PCDHGA5: variants seen among roughly 807,000 people sequenced by gnomAD.
The protein encoded by PCDHGA5 is protocadherin gamma subfamily A, 5, also known as protocadherin gamma-A5.
Under a neutral mutation model 56.7 loss-of-function variants are expected in PCDHGA5, and 36 were observed. The ratio of observed to expected loss-of-function variants is 0.64; its 90% CI spans 0.49 to 0.84. The LOEUF (loss-of-function observed/expected upper bound fraction) is 0.84, where lower values mean the gene tolerates loss of function less well. PCDHGA5 is among the 40% of genes least tolerant of loss of function. The pLI is 0.00. For missense variants in PCDHGA5, 1,305 were observed against 1,201.5 expected (o/e 1.09, Z -1.27); for synonymous variants, 563 against 520.2 (o/e 1.08, Z -1.12).
chr5:141,376,072 C>G (rs755171325), intron 1 of PCDHGA5: 9 of 1,613,498 alleles, frequency 5.6e-6, no homozygotes, highest in Middle Eastern at 1.7e-4. Flanking sequence ...TCACCGTGGC[C>G]GTGGCCGACA....
At chr5:141,439,727 C>G (rs940325016) in intron 1 of PCDHGA5, 2 of 152,406 alleles carry the variant, frequency 1.3e-5, no homozygotes, top group Non-Finnish European at 2.9e-5. Context: ...AAATTATAAG[C>G]AGGAACGGAA....
At chr5:141,383,630 T>A in intron 1 of PCDHGA5, 3 of 1,613,986 alleles carry the variant, frequency 1.9e-6, no homozygotes, top group Non-Finnish European at 1.7e-6. Context: ...GTCTTCTCTC[T>A]GCCTCAGTAC....
intron 1 of PCDHGA5, chr5:141,395,876 T>C (rs1175297322): frequency 6.6e-6 from 1 of 152,090 alleles, no homozygotes; most frequent in Non-Finnish European, 1.5e-5. Context: ...AGTATGTGAG[T>C]CAGTGGTCAC....
At chr5:141,408,953 CTT>C in intron 1 of PCDHGA5, 1 of 1,613,552 alleles carries the variant, frequency 6.2e-7, no homozygotes, top group Non-Finnish European at 8.5e-7. Context: ...TAGAATTAGT[CTT>C]AGTGAAAATC....
Position 141,485,486 on chromosome 5 carries a change from C to A in PCDHGA5, c.2422-9321C>A. On this transcript the variant is annotated intron_variant, in intron 1 of 3. Transcript: ENST00000518069. This position sits in a 1 kb window ranked among gnomAD's most constrained non-coding sequence, Gnocchi z 5.7. Reference sequence around the variant, plus strand: ...TGGGCTCAGTGCCAGCTGCATCGTGCCCCTGGAGTTTGTCACCGAAGGTCC... The same window carrying A: ...TGGGCTCAGTGCCAGCTGCATCGTGACCCTGGAGTTTGTCACCGAAGGTCC... 6.2e-7 allele frequency: 1 copy of A among 1,614,104 alleles called. No individual in the cohort carries two copies.
In PCDHGA5 at chr5:141,493,079, G is replaced by A. The variant is rs1299289839; in HGVS notation, c.2422-1728G>A. 6.6e-6 allele frequency among the ~76,000 whole-genome samples: 1 copy of A among 152,204 alleles called. No homozygotes were observed. Among genetic ancestry groups the A allele is most frequent in the East Asian group, 1.9e-4 (1 of 5,196 alleles). Reference sequence around the variant, plus strand: ...AAAAACACAAGTTTCTCCAACTCCAGGAGCTTTTATTCAAAATATATCAAT... The same window carrying A: ...AAAAACACAAGTTTCTCCAACTCCAAGAGCTTTTATTCAAAATATATCAAT... On this transcript the variant is annotated intron_variant, in intron 1 of 3. Transcript: ENST00000518069. The surrounding 1 kb of genome is among the most constrained non-coding windows in gnomAD (Gnocchi z 4.3).
chr5:141,466,612 C>T (rs141916895), intron 1 of PCDHGA5, among the ~76,000 whole-genome samples: 1 of 152,262 alleles, frequency 6.6e-6, no homozygotes, highest in East Asian at 1.9e-4. Flanking sequence ...TTGTAAACTG[C>T]CGTTTTCTTT....
intron 1 of PCDHGA5, chr5:141,403,432 G>A: frequency 1.2e-6 from 2 of 1,614,018 alleles, no homozygotes; most frequent in Non-Finnish European, 1.7e-6. Flanking sequence ...CTATTGATCC[G>A]GATGTTGGCG....
intron 1 of PCDHGA5, chr5:141,410,442 C>G (rs1444532577): frequency 6.2e-7 from 1 of 1,613,942 alleles, no homozygotes; most frequent in Admixed American, 1.7e-5. Context: ...AGTGAGGGGA[C>G]TTTGCCTTAT....
chr5:141,454,932 C>G (rs945154196), intron 1 of PCDHGA5, among the ~76,000 whole-genome samples: 7 of 150,770 alleles, frequency 4.6e-5, no homozygotes, highest in Non-Finnish European at 1.0e-4. Context: ...CTCAGCCTCC[C>G]GAGTAGCTGG....
At chr5:141,446,508 G>A (rs932199756) in intron 1 of PCDHGA5, among the ~76,000 whole-genome samples, 4 of 151,356 alleles carry the variant, frequency 2.6e-5, no homozygotes, top group Non-Finnish European at 5.9e-5. Flanking sequence ...ATGGAGTCTC[G>A]CTCTGTCACC....
At chr5:141,455,686 G>A (rs1282071031) in intron 1 of PCDHGA5, among the ~76,000 whole-genome samples, 1 of 152,094 alleles carries the variant, frequency 6.6e-6, no homozygotes. Context: ...AAGGCTGTGG[G>A]AATCGCCAAG....
intron 1 of PCDHGA5, among the ~76,000 whole-genome samples, chr5:141,474,096 CAACAAA>C (rs1262341033): frequency 1.3e-5 from 2 of 152,078 alleles, no homozygotes; most frequent in African/African-American, 4.8e-5. Context: ...AAACAAACAA[CAACAAA>C]AACAACAACA....
intron 1 of PCDHGA5, chr5:141,403,479 A>G: frequency 1.2e-6 from 2 of 1,613,848 alleles, no homozygotes; most frequent in Non-Finnish European, 1.7e-6. Flanking sequence ...AGCCCCAATC[A>G]CCACTTCTCC....
At chr5:141,419,210 GTTT>G in intron 1 of PCDHGA5, 1 of 1,613,926 alleles carries the variant, frequency 6.2e-7, no homozygotes, top group East Asian at 2.2e-5. Flanking sequence ...CAACGCGCCG[GTTT>G]TCGGACAGTC....
rs774780380 is a variant in PCDHGA5 at position 141,432,864 on chromosome 5, G to C, written c.2422-61943G>C. Reference sequence around the variant, plus strand: ...GTGGTAGCGGTGGCCGCGGTCTCCTGCGTCTTCCTGGCCTTCGTCATCTTG... The same window carrying C: ...GTGGTAGCGGTGGCCGCGGTCTCCTCCGTCTTCCTGGCCTTCGTCATCTTG... On this transcript the variant is annotated intron_variant, in intron 1 of 3. Coordinates refer to ENST00000518069, the MANE Select transcript of PCDHGA5 (RefSeq NM_018918.3). The surrounding 1 kb of genome is among the most constrained non-coding windows in gnomAD (Gnocchi z 6.0). 6.2e-7 allele frequency: 1 copy of C among 1,614,168 alleles called. No homozygotes were observed.
chr5:141,478,956 T>C (rs2099484450), intron 1 of PCDHGA5, among the ~76,000 whole-genome samples: 1 of 152,200 alleles, frequency 6.6e-6, no homozygotes. Context: ...AACTACCTCA[T>C]TCCTCCACCT....
At chr5:141,402,433 A>C (rs1331958085) in intron 1 of PCDHGA5, among the ~76,000 whole-genome samples, 1 of 152,146 alleles carries the variant, frequency 6.6e-6, no homozygotes, top group Non-Finnish European at 1.5e-5. Context: ...GAAGCATCAT[A>C]AAAAGGAAAT....
rs967436443 is a variant in PCDHGA5 at position 141,400,001 on chromosome 5, C to G, written c.2421+33250C>G. On this transcript the variant is annotated intron_variant, in intron 1 of 3. Transcript: ENST00000518069. ...CTGCGCACAGGAGAGGTGCGCACAG[C>G]GCGTGCCTTGGGCGACAGGGACGCG... 5.0e-6 allele frequency: 8 copies of G among 1,612,262 alleles called. No individual in the cohort carries two copies. In the Admixed American group the frequency reaches 5.0e-5, roughly 10 times the overall value.
Sources: allele counts gnomAD v4.1 joint callset (sites outside exome capture counted in the v4.1 genomes callset), GRCh38; gene constraint gnomAD v4.1.1; non-coding constraint Gnocchi (gnomAD v3.1); transcripts MANE v1.5; gene names NCBI Gene and HGNC (gene_info 2026-07-23, HGNC 2026-07-21).